The following PAXIP1 variants were observed in gnomAD, a reference collection of about 807,000 sequenced individuals.
PAXIP1 encodes PAX interacting protein 1, also known as PAX-interacting protein 1.
Under a neutral mutation model 140.6 loss-of-function variants are expected in PAXIP1, and 19 were observed. That is an observed-to-expected ratio of 0.14 (90% CI 0.09 to 0.20). PAXIP1 has a LOEUF of 0.20. Among genes scored for constraint, PAXIP1 ranks in the 10% least tolerant of loss-of-function variants. The pLI, the probability that PAXIP1 is intolerant of heterozygous loss-of-function variation, is 1.00. For missense variants in PAXIP1, 920 were observed against 1,208.6 expected, an observed-to-expected ratio of 0.76 and a Z score of 3.54; for synonymous variants, 442 against 444.6, an observed-to-expected ratio of 0.99 and a Z score of 0.07.
Position 154,993,720 on chromosome 7 carries a change from G to A in PAXIP1, c.260+6C>T. On this transcript the variant is annotated splice_donor_region_variant and intron_variant, in intron 3 of 20. Coordinates refer to ENST00000404141, the MANE Select transcript of PAXIP1 (RefSeq NM_007349.4). ...TCCCTCCTCCCCCACTCAAAAAAAA[G>A]GATACGGCAGAAGAGTTCCACACTG... The A allele has an allele frequency of 6.3e-7, 1 of 1,588,458 alleles. No individual in the cohort carries two copies. Among genetic ancestry groups the A allele is most frequent in the Non-Finnish European group, 8.6e-7 (1 of 1,166,724 alleles).
intron 5 of PAXIP1, among the ~76,000 whole-genome samples, chr7:154,978,176 G>C (rs1416025842): frequency 6.6e-6 from 1 of 152,184 alleles, no homozygotes; most frequent in African/African-American, 2.4e-5. Flanking sequence ...GCCCTATTCA[G>C]ATCTCCCCAG....
intron 2 of PAXIP1, among the ~76,000 whole-genome samples, chr7:154,994,270 G>A: frequency 6.6e-6 from 1 of 152,278 alleles, no homozygotes; most frequent in Middle Eastern, 3.4e-3. Context: ...TTATAAAACA[G>A]ATTAATTACT....
chr7:154,947,077 T>C (rs1245816257), intron 17 of PAXIP1: 1 of 317,972 alleles, frequency 3.1e-6, no homozygotes, highest in African/African-American at 2.1e-5. Context: ...AAACAAAGTG[T>C]TTTGTGAATA....
chr7:154,961,720 C>T (rs1345030887), intron 10 of PAXIP1, 72 bp from the exon 11 acceptor site: 8 of 1,260,724 alleles, frequency 6.3e-6, no homozygotes, highest in African/African-American at 4.5e-5. Flanking sequence ...ATTTCTTCTA[C>T]TTCTTAGTTG....
intron 11 of PAXIP1, 125 bp downstream of exon 11, chr7:154,961,402 C>T: frequency 1.3e-6 from 1 of 744,950 alleles, no homozygotes. Context: ...CATACTTTAA[C>T]AGACTTTGAT....
At chr7:154,947,860 G>C in intron 17 of PAXIP1, 43 bp downstream of exon 17, 2 of 1,376,446 alleles carry the variant, frequency 1.5e-6, no homozygotes, top group Non-Finnish European at 2.1e-6. Flanking sequence ...AGGTCCGTGT[G>C]TTATGCTTAC....
rs147159958 is a variant in PAXIP1 at position 154,987,857 on chromosome 7, T to C, written c.324+3149A>G. 5.5e-3 allele frequency among the ~76,000 whole-genome samples: 836 copies of C among 152,310 alleles called. 37 individuals carry two copies. Among genetic ancestry groups the C allele is most frequent in the Admixed American group, 0.049 (756 of 15,294 alleles). On this transcript the variant is annotated intron_variant, in intron 4 of 20. Coordinates refer to ENST00000404141, the MANE Select transcript of PAXIP1 (RefSeq NM_007349.4). ...CTGTTGCTAAGTCCCATGTTGTATCTGCTACCCTGAATCCCATCTCCATTT... is the reference window on the plus strand; with the variant it reads ...CTGTTGCTAAGTCCCATGTTGTATCCGCTACCCTGAATCCCATCTCCATTT...
chr7:154,971,471 G>C (rs1453918496), intron 6 of PAXIP1, among the ~76,000 whole-genome samples: 1 of 152,190 alleles, frequency 6.6e-6, no homozygotes, highest in African/African-American at 2.4e-5. Context: ...TGGATGGAGA[G>C]GAGAAATCTG....
intron 7 of PAXIP1, 99 bp downstream of exon 7, chr7:154,968,304 G>T: frequency 1.1e-6 from 1 of 938,852 alleles, no homozygotes; most frequent in Non-Finnish European, 1.6e-6. Context: ...TGTAGTAATT[G>T]TTTTGATATG....
rs190886786 is a variant in PAXIP1, at chr7:154,978,029, C to T, written c.439-1698G>A. Among the ~76,000 whole-genome samples the T allele has an allele frequency of 4.5e-3, 675 of 150,084 alleles. 20 individuals are homozygous for T. Among genetic ancestry groups the T allele is most frequent in the Admixed American group, 0.038 (577 of 15,134 alleles). ...GAATAAATCCCTTGTATCTGTCACC[C>T]AGCTTTAATAACTGGCAATCTTTTA... is the stretch of plus-strand genomic sequence containing the variant. On this transcript the variant is annotated intron_variant, in intron 5 of 20. Coordinates refer to ENST00000404141, the MANE Select transcript of PAXIP1 (RefSeq NM_007349.4).
At chr7:154,951,334 A>G (rs561565138) in intron 16 of PAXIP1, 1 of 152,490 alleles carries the variant, frequency 6.6e-6, no homozygotes, top group South Asian at 2.1e-4. Flanking sequence ...AGCTTCATTA[A>G]CAGTTAATAA....
In PAXIP1 at chr7:154,998,678, C is replaced by A. The variant is rs758375967; in HGVS notation, c.188G>T (p.Arg63Leu). The part of the protein sequence containing the change: ...DGDNPEVGEA[R>L]EVFDLPVVKP... ...TACAACAGGTAAGTCAAAGACTTCC[C>A]GAGCTTCTCCCACCTCTGGATTGTC... The change falls in exon 2 of 21, where the codon CGG becomes CTG. Residue 63 changes from arginine (R) to leucine (L), a missense_variant. Transcript: ENST00000404141. 3 of 1,613,418 alleles carry A rather than the reference C, an allele frequency of 1.9e-6. No individual in the cohort carries two copies. Among genetic ancestry groups the A allele is most frequent in the Non-Finnish European group, 2.5e-6 (3 of 1,179,512 alleles).
At chr7:154,982,617 C>T (rs975121745) in intron 5 of PAXIP1, among the ~76,000 whole-genome samples, 1 of 152,314 alleles carries the variant, frequency 6.6e-6, no homozygotes, top group East Asian at 1.9e-4. Flanking sequence ...TCCCAAAGTG[C>T]TGGGATTACA....
Position 154,959,876 on chromosome 7 carries a change from T to C in PAXIP1, c.2478+14A>G, listed in dbSNP as rs1163979155. 1.3e-6 allele frequency: 2 copies of C among 1,565,158 alleles called. No individual in the cohort carries two copies. The highest frequency in any genetic ancestry group is 4.5e-5 in the East Asian group (2 of 44,628). On this transcript the variant is annotated intron_variant, in intron 13 of 20. Coordinates refer to ENST00000404141, the MANE Select transcript of PAXIP1 (RefSeq NM_007349.4). ...TACAGTAATAGCCAAGGTAAGGTTA[T>C]TAATTTGACATACCATCAACAACTC...
chr7:154,951,944 C>T (rs1563361801), intron 16 of PAXIP1: 1 of 152,198 alleles, frequency 6.6e-6, no homozygotes, highest in African/African-American at 2.4e-5. Context: ...CCCCACCACC[C>T]AAGCTGGTGT....
chr7:154,985,856 A>C (rs1810045697), intron 4 of PAXIP1, among the ~76,000 whole-genome samples: 1 of 152,214 alleles, frequency 6.6e-6, no homozygotes, highest in South Asian at 2.1e-4. Context: ...CTTCTCTGAG[A>C]TCTTTCACAG....
At chr7:154,998,848 A>G (rs1375808398) in intron 1 of PAXIP1, 64 bp from the exon 2 acceptor site, 1 of 1,387,654 alleles carries the variant, frequency 7.2e-7, no homozygotes, top group Non-Finnish European at 1.0e-6. Flanking sequence ...CTTGAATTAC[A>G]GAAATAATTA....
chr7:154,966,887 C>T (rs1411608842), intron 8 of PAXIP1, among the ~76,000 whole-genome samples: 1 of 152,246 alleles, frequency 6.6e-6, no homozygotes, highest in African/African-American at 2.4e-5. Flanking sequence ...GTGGATCCCA[C>T]TGAGGCACCC....
chr7:155,002,925 G>C lies in PAXIP1; in HGVS notation c.5C>G (p.Ser2Trp). M[S>W]DQAPKVPEEM... ...CTCAGGAACTTTGGGCGCCTGGTCC[G>C]ACATGATCGCGGCGGCCCGGGAGGC... Residue 2 changes from serine (S) to tryptophan (W), a missense_variant, in exon 1 of 21, where the codon TCG becomes TGG. Ser to Trp is a radical substitution (Grantham distance 177). Transcript: ENST00000404141. 1 of 1,331,374 alleles carries C rather than the reference G, an allele frequency of 7.5e-7. No homozygotes were observed. Among genetic ancestry groups the C allele is most frequent in the Non-Finnish European group, 9.8e-7 (1 of 1,016,320 alleles). The allele number at this position is 1,331,374 out of a possible 1,614,324, so 82.5% of individuals were successfully genotyped here. A position where few individuals can be genotyped will look rare whatever the true frequency, so the allele number is the denominator to read the frequency against.
Sources: gnomAD v4.1 joint callset for allele counts (sites outside exome capture counted in the v4.1 genomes callset) on GRCh38, gnomAD v4.1.1 for gene constraint, MANE v1.5 for transcripts, NCBI Gene and HGNC (gene_info 2026-07-23, HGNC 2026-07-21) for gene names.